Variants in NMD3 observed in about 807,000 individuals in gnomAD.
The protein encoded by NMD3 is 60S ribosomal export protein NMD3.
A neutral mutation model predicts 73.1 loss-of-function variants in NMD3; 47 were observed. The observed-to-expected ratio is 0.64, with a 90% CI of 0.51 to 0.82. The LOEUF (loss-of-function observed/expected upper bound fraction) is 0.82, where lower values mean the gene tolerates loss of function less well. Ranked by LOEUF, NMD3 falls within the 40% of genes least tolerant of loss-of-function variation. The pLI is 0.00. For synonymous variants in NMD3, 210 were observed against 194.5 expected (o/e 1.08, Z -0.66); for missense variants, 554 against 612.5 (o/e 0.90, Z 1.01).
chr3:161,237,645 T>G (rs1351741784), intron 7 of NMD3, among the ~76,000 whole-genome samples: 1 of 151,568 alleles, frequency 6.6e-6, no homozygotes, highest in East Asian at 1.9e-4. Context: ...ATTCAAGCGA[T>G]TCTCCTGCCT....
At chr3:161,241,229 T>G (rs1736973649) in intron 10 of NMD3, 66 bp downstream of exon 10, 2 of 962,780 alleles carry the variant, frequency 2.1e-6, no homozygotes, top group Non-Finnish European at 3.3e-6. Context: ...TAATTTGTGT[T>G]GTTAATTTTT....
intron 7 of NMD3, 110 bp from the exon 8 acceptor site, chr3:161,238,003 A>G (rs956292213): frequency 1.4e-6 from 1 of 719,392 alleles, no homozygotes; most frequent in African/African-American, 1.8e-5. Context: ...AGAGTTTTCT[A>G]ATAATTTGAT....
At chr3:161,222,124 A>G (rs1736124065) in intron 2 of NMD3, 67 bp downstream of exon 2, 4 of 1,288,102 alleles carry the variant, frequency 3.1e-6, no homozygotes, top group Non-Finnish European at 4.5e-6. Context: ...GAAACTCACT[A>G]TGGAGAACGC....
At chr3:161,247,887 A>C (rs1458541981) in intron 13 of NMD3, among the ~76,000 whole-genome samples, 1 of 151,924 alleles carries the variant, frequency 6.6e-6, no homozygotes, top group Non-Finnish European at 1.5e-5. Context: ...AGCTCAAGTA[A>C]TCCTCCCACC....
rs912453090 is a variant in NMD3 at position 161,247,554 on chromosome 3, A to G, written c.1203+224A>G. ...GTAATCCCAGCACTTTGGGAGGCCT[A>G]GGCAGGTGGATCACCTGAGGTTGGG... On this transcript the variant is annotated intron_variant, in intron 13 of 15. Transcript: ENST00000351193. 7.9e-5 allele frequency among the ~76,000 whole-genome samples: 12 copies of G among 151,370 alleles called. No homozygotes were observed. In the South Asian group the frequency reaches 2.3e-3, roughly 29 times the overall value.
intron 6 of NMD3, 103 bp downstream of exon 6, chr3:161,234,958 A>G: frequency 8.4e-7 from 1 of 1,196,322 alleles, no homozygotes; most frequent in South Asian, 1.4e-5. Context: ...GGGTCCCTGA[A>G]GCATTCACCT....
rs751861215 is a variant in NMD3 at position 161,249,563 on chromosome 3, C to T, written c.1310+3C>T. On this transcript the variant is annotated splice_donor_region_variant and intron_variant, in intron 14 of 15. Transcript: ENST00000351193. ...AACATGGATACAGATGATGAAAGGT[C>T]TCGCTTTTCTTTAAATCTCTTATGT... 3.2e-6 allele frequency: 5 copies of T among 1,544,038 alleles called. No homozygotes were observed. The highest frequency in any genetic ancestry group is 2.2e-5 in the South Asian group (2 of 89,256).
chr3:161,247,348 T>TCCC lies in NMD3; in HGVS notation c.1203+19_1203+21dup. 6.5e-7 allele frequency: 1 copy of TCCC among 1,535,762 alleles called. No individual in the cohort carries two copies. The highest frequency in any genetic ancestry group is 9.0e-7 in the Non-Finnish European group (1 of 1,109,684). ...CAGATGTGGTAAGGCTTTAGATTTTTCCCTTTTTTCCTGTGTTAAAGAGGA... is the reference window on the plus strand; with the variant it reads ...CAGATGTGGTAAGGCTTTAGATTTTTCCCCCCTTTTTTCCTGTGTTAAAGAGGA... On this transcript the variant is annotated intron_variant, in intron 13 of 15. Coordinates refer to ENST00000351193, the MANE Select transcript of NMD3 (RefSeq NM_015938.5).
rs1736069703 is a variant in NMD3 at position 161,221,374 on chromosome 3, T to G, written c.-56T>G. 1 of 152,038 alleles carries G rather than the reference T, an allele frequency of 6.6e-6. No individual in the cohort carries two copies. The highest frequency in any genetic ancestry group is 2.1e-4 in the South Asian group (1 of 4,806). 9.4% of individuals were successfully genotyped at this position (152,038 alleles called of 1,614,324 possible). A position where few individuals can be genotyped will look rare whatever the true frequency, so the allele number is the denominator to read the frequency against. The stretch of plus-strand genomic sequence containing the variant: ...CAGCCGGGGTCTATTTTGTTGCGGG[T>G]TTTCAGCAAATCCAGGGCTGGTCTG... On this transcript the variant is annotated 5_prime_UTR_variant, in exon 1 of 16. Coordinates refer to ENST00000351193, the MANE Select transcript of NMD3 (RefSeq NM_015938.5).
intron 4 of NMD3, among the ~76,000 whole-genome samples, chr3:161,231,108 T>C (rs1736526701): frequency 6.6e-6 from 1 of 152,196 alleles, no homozygotes; most frequent in African/African-American, 2.4e-5. Flanking sequence ...GCCTAGTGGC[T>C]AAGGTGAAAT....
At chr3:161,228,451 T>G (rs1736411769) in intron 4 of NMD3, among the ~76,000 whole-genome samples, 1 of 152,190 alleles carries the variant, frequency 6.6e-6, no homozygotes, top group Non-Finnish European at 1.5e-5. Context: ...AATTGTTTTT[T>G]TCCAGTAGTA....
intron 7 of NMD3, among the ~76,000 whole-genome samples, chr3:161,236,130 A>G (rs1736746870): frequency 6.6e-6 from 1 of 152,100 alleles, no homozygotes; most frequent in Admixed American, 6.5e-5. Context: ...TGTAGCTGGT[A>G]CTTATAGCTA....
intron 2 of NMD3, among the ~76,000 whole-genome samples, chr3:161,224,021 G>GA (rs1229506473): frequency 1.3e-5 from 2 of 152,150 alleles, no homozygotes; most frequent in Non-Finnish European, 2.9e-5. Context: ...TATCTTTATG[G>GA]ATAGTGTTGG....
At chr3:161,247,473 A>ATT in intron 13 of NMD3, 143 bp downstream of exon 13, 3 of 484,494 alleles carry the variant, frequency 6.2e-6, no homozygotes, top group South Asian at 4.1e-5. Context: ...ATAATAGCAA[A>ATT]ATTTTTTTTT....
intron 13 of NMD3, 53 bp downstream of exon 13, chr3:161,247,383 C>G: frequency 9.3e-7 from 1 of 1,078,480 alleles, no homozygotes; most frequent in South Asian, 1.3e-5. Context: ...ATGAATGTAA[C>G]TCTTAGGGGT....
intron 13 of NMD3, 144 bp downstream of exon 13, chr3:161,247,474 A>ATTTT: frequency 5.7e-6 from 2 of 351,210 alleles, no homozygotes; most frequent in Non-Finnish European, 1.0e-5. Context: ...TAATAGCAAA[A>ATTTT]TTTTTTTTTT....
downstream of NMD3, among the ~76,000 whole-genome samples, chr3:161,252,556 G>A (rs1213477098): frequency 6.6e-6 from 1 of 152,158 alleles, no homozygotes; most frequent in Non-Finnish European, 1.5e-5. Flanking sequence ...TCATCCAAGA[G>A]CTTGCACAAA....
chr3:161,245,210 G>A (rs1017010428), intron 11 of NMD3, among the ~76,000 whole-genome samples: 2 of 151,706 alleles, frequency 1.3e-5, no homozygotes, highest in Non-Finnish European at 2.9e-5. Flanking sequence ...GATAATTTGG[G>A]AAAAATTAAT....
chr3:161,226,018 A>G (rs1344359216), intron 3 of NMD3, among the ~76,000 whole-genome samples: 2 of 152,180 alleles, frequency 1.3e-5, no homozygotes, highest in African/African-American at 2.4e-5. Context: ...CTGATAAAGA[A>G]CTAAACAGAC....
Sources: gnomAD v4.1 joint callset for allele counts (sites outside exome capture counted in the v4.1 genomes callset) on GRCh38, gnomAD v4.1.1 for gene constraint, MANE v1.5 for transcripts, NCBI Gene and HGNC (gene_info 2026-07-23, HGNC 2026-07-21) for gene names.